The following STRN variants were observed in gnomAD, a reference collection of about 807,000 sequenced individuals.
STRN encodes the protein striatin.
A neutral mutation model predicts 96.3 loss-of-function variants in STRN; 53 were observed. The ratio of observed to expected loss-of-function variants is 0.55; its 90% CI spans 0.44 to 0.69. The LOEUF (loss-of-function observed/expected upper bound fraction) is 0.69. Among genes scored for constraint, STRN ranks in the 30% least tolerant of loss-of-function variants. The pLI is 0.00. For missense variants in STRN, 987 were observed against 963.9 expected, an observed-to-expected ratio of 1.02 and a Z score of -0.32; for synonymous variants, 428 against 355.9, an observed-to-expected ratio of 1.20 and a Z score of -2.28.
rs970068289 is a variant in STRN, at chr2:36,966,532, G to A, written c.-69C>T. ...GGAGGCAACAGCGGCGGCAAGCAGCGCCTCCTCCTCCCTCCGCCGCTCCCG... is the reference window on the plus strand; with the variant it reads ...GGAGGCAACAGCGGCGGCAAGCAGCACCTCCTCCTCCCTCCGCCGCTCCCG... On this transcript the variant is annotated 5_prime_UTR_variant, in exon 1 of 18. Coordinates refer to ENST00000263918, the MANE Select transcript of STRN (RefSeq NM_003162.4). 4 of 1,353,566 alleles carry A rather than the reference G, an allele frequency of 3.0e-6. No homozygotes were observed. Among genetic ancestry groups the A allele is most frequent in the South Asian group, 1.7e-5 (1 of 57,218 alleles). 83.8% of individuals were successfully genotyped at this position (1,353,566 alleles called of 1,614,324 possible).
At chr2:36,915,054 A>T (rs1484339095) in intron 3 of STRN, among the ~76,000 whole-genome samples, 1 of 150,872 alleles carries the variant, frequency 6.6e-6, no homozygotes, top group Non-Finnish European at 1.5e-5. Context: ...AAAATTAGCC[A>T]GGCCTGGTGG....
chr2:36,892,277 G>C (rs965312502), intron 7 of STRN, among the ~76,000 whole-genome samples: 2 of 152,146 alleles, frequency 1.3e-5, no homozygotes, highest in African/African-American at 4.8e-5. Context: ...GAGGCAGGGA[G>C]GGCAGTAAGC....
Position 36,905,104 on chromosome 2 carries a change from G to A in STRN, c.491+436C>T, listed in dbSNP as rs572903540. 3.4e-4 allele frequency among the ~76,000 whole-genome samples: 51 copies of A among 151,950 alleles called. 1 individual carries two copies. Among genetic ancestry groups the A allele is most frequent in the Admixed American group, 3.0e-3 (45 of 15,250 alleles). On this transcript the variant is annotated intron_variant, in intron 4 of 17. Coordinates refer to ENST00000263918, the MANE Select transcript of STRN (RefSeq NM_003162.4). The stretch of plus-strand genomic sequence containing the variant: ...CCTGCCTCAGCCTCCCAAGAAGCTG[G>A]GATTACAGGCATGTGCCACCACGCC...
chr2:36,895,685 G>A (rs1418899252), intron 6 of STRN, among the ~76,000 whole-genome samples: 2 of 151,742 alleles, frequency 1.3e-5, no homozygotes, highest in Non-Finnish European at 2.9e-5. Flanking sequence ...GCCGAGATGG[G>A]TGGATCACGA....
chr2:36,934,673 T>C (rs1229020633), intron 1 of STRN, among the ~76,000 whole-genome samples: 3 of 152,232 alleles, frequency 2.0e-5, no homozygotes, highest in Non-Finnish European at 2.9e-5. Context: ...AGGAACTACA[T>C]AAAGCCCAAA....
At chr2:36,922,815 T>C (rs2148227756) in intron 2 of STRN, among the ~76,000 whole-genome samples, 1 of 150,496 alleles carries the variant, frequency 6.6e-6, no homozygotes, top group East Asian at 1.9e-4. Flanking sequence ...TCACCTCCTC[T>C]TACTCTGCAC....
At chr2:36,929,642 C>A (rs1470597223) in intron 1 of STRN, among the ~76,000 whole-genome samples, 1 of 152,162 alleles carries the variant, frequency 6.6e-6, no homozygotes, top group East Asian at 1.9e-4. Context: ...CTCAGCCTCC[C>A]TAAGCGCTGG....
Position 36,842,009 on chromosome 2 carries a change from T to C in STRN, c.*7447A>G, listed in dbSNP as rs1313009389. On this transcript the variant is annotated 3_prime_UTR_variant, in exon 18 of 18. Transcript: ENST00000263918. ...GTTATCCAGCCCCCAAAATAAACTG[T>C]TTCTGATAAAATTACTTTTGCTCTA... 6.6e-6 allele frequency: 1 copy of C among 152,216 alleles called. No homozygotes were observed. The highest frequency in any genetic ancestry group is 1.5e-5 in the Non-Finnish European group (1 of 68,036). The allele number at this position is 152,216 out of a possible 1,614,324, so 9.4% of individuals were successfully genotyped here.
At chr2:36,965,862 C>A (rs1466124246) in intron 1 of STRN, among the ~76,000 whole-genome samples, 1 of 152,174 alleles carries the variant, frequency 6.6e-6, no homozygotes, top group African/African-American at 2.4e-5. Context: ...CACACCAGGG[C>A]AGCGGACGAT....
At chr2:36,926,600 C>T (rs191639614) in intron 1 of STRN, among the ~76,000 whole-genome samples, 1 of 152,290 alleles carries the variant, frequency 6.6e-6, no homozygotes, top group South Asian at 2.1e-4. Flanking sequence ...TGTTCCTATT[C>T]AGTACCACAA....
At chr2:36,917,776 A>AC (rs1411749493) in intron 2 of STRN, among the ~76,000 whole-genome samples, 1 of 152,242 alleles carries the variant, frequency 6.6e-6, no homozygotes, top group African/African-American at 2.4e-5. Flanking sequence ...AACAGTCTTT[A>AC]TATCTTACAC....
At chr2:36,852,787 G>C (rs1232308405) in intron 15 of STRN, among the ~76,000 whole-genome samples, 1 of 152,140 alleles carries the variant, frequency 6.6e-6, no homozygotes, top group Non-Finnish European at 1.5e-5. Context: ...GTGGCTCCTA[G>C]AAATATAACA....
chr2:36,957,272 C>G (rs1165903579), intron 1 of STRN, among the ~76,000 whole-genome samples: 2 of 152,148 alleles, frequency 1.3e-5, no homozygotes, highest in African/African-American at 4.8e-5. Flanking sequence ...GTGGCCCAAA[C>G]ATCTTAAGTA....
intron 12 of STRN, among the ~76,000 whole-genome samples, chr2:36,863,980 T>C (rs1270354534): frequency 2.0e-5 from 3 of 152,348 alleles, no homozygotes; most frequent in South Asian, 2.1e-4. Flanking sequence ...TGTGTATAAA[T>C]GGTACTGATT....
At chr2:36,874,658 G>A (rs1383234228) in intron 10 of STRN, among the ~76,000 whole-genome samples, 3 of 143,152 alleles carry the variant, frequency 2.1e-5, no homozygotes, top group South Asian at 4.6e-4. Context: ...CAACAGAAAT[G>A]ATAGTTGACC....
chr2:36,865,545 T>C (rs1333389482), intron 12 of STRN, among the ~76,000 whole-genome samples: 12 of 152,094 alleles, frequency 7.9e-5, no homozygotes, highest in Admixed American at 7.2e-4. Context: ...TTGTGTGTGA[T>C]GTTAAGTTGT....
chr2:36,925,320 T>C lies in STRN; in HGVS notation c.235-112A>G, dbSNP rs1015663246. On this transcript the variant is annotated intron_variant, in intron 1 of 17. Transcript: ENST00000263918. ...CAATTAGATGCAAAAATATTTCCTTTACACATTTCTCACAAAGTATGTACA... is the reference window on the plus strand; with the variant it reads ...CAATTAGATGCAAAAATATTTCCTTCACACATTTCTCACAAAGTATGTACA... 5.9e-6 allele frequency: 4 copies of C among 681,674 alleles called. No individual in the cohort carries two copies. In the African/African-American group the frequency reaches 7.3e-5, roughly 12 times the overall value. 42.2% of individuals were successfully genotyped at this position (681,674 alleles called of 1,614,324 possible).
chr2:36,943,185 G>GA (rs922637598), intron 1 of STRN, among the ~76,000 whole-genome samples: 1 of 151,650 alleles, frequency 6.6e-6, no homozygotes, highest in Non-Finnish European at 1.5e-5. Context: ...AACATAGAAG[G>GA]AAAAAAACAA....
At chr2:36,943,521 T>C (rs1318351549) in intron 1 of STRN, among the ~76,000 whole-genome samples, 2 of 152,102 alleles carry the variant, frequency 1.3e-5, no homozygotes, top group African/African-American at 2.4e-5. Context: ...ACAGTTAAAA[T>C]AGGCCAGGCA....
Sources: gnomAD v4.1 joint callset for allele counts (sites outside exome capture counted in the v4.1 genomes callset) on GRCh38, gnomAD v4.1.1 for gene constraint, MANE v1.5 for transcripts, NCBI Gene and HGNC (gene_info 2026-07-23, HGNC 2026-07-21) for gene names.